Variants in DNAH1 observed in about 807,000 individuals in gnomAD.
The protein encoded by DNAH1 is axonemal beta dynein heavy chain 1.
In DNAH1, 327 loss-of-function variants were observed where a neutral mutation model predicts 484.3. The ratio of observed to expected loss-of-function variants is 0.68; its 90% confidence interval spans 0.62 to 0.74. DNAH1 has a LOEUF of 0.74. Among genes scored for constraint, DNAH1 ranks in the 30% least tolerant of loss-of-function variants. The probability of loss-of-function intolerance (pLI) is 0.00; values close to 1 mark genes in which losing one functional copy is unlikely to be tolerated. For missense variants in DNAH1, 5,052 were observed against 5,546.8 expected (o/e 0.91, Z 2.83); for synonymous variants, 2,192 against 2,191.9 (o/e 1.00, Z 0.00).
At chr3:52,374,550 T>C in intron 44 of DNAH1, 1 of 1,499,796 alleles carries the variant, frequency 6.7e-7, no homozygotes, top group Non-Finnish European at 9.3e-7. Context: ...CTTCCGGCAG[T>C]TGGCCAAATG....
At chr3:52,388,706 C>T (rs1299880293) in intron 58 of DNAH1, 97 bp downstream of exon 58, 5 of 1,605,260 alleles carry the variant, frequency 3.1e-6, no homozygotes, top group South Asian at 1.1e-5. Flanking sequence ...TGGCTGTCCA[C>T]ACCCCCTCCC....
At chr3:52,374,466 A>G in intron 44 of DNAH1, 1 of 1,369,522 alleles carries the variant, frequency 7.3e-7, no homozygotes, top group Admixed American at 1.7e-5. Flanking sequence ...AAAAGAAGTA[A>G]TGTTCTTAAA....
intron 32 of DNAH1, among the ~76,000 whole-genome samples, chr3:52,363,832 C>T (rs1702962778): frequency 6.6e-6 from 1 of 152,168 alleles, no homozygotes; most frequent in Non-Finnish European, 1.5e-5. Context: ...TACCTTTGGC[C>T]AGATGCAGTC....
chr3:52,366,419 C>T, intron 34 of DNAH1, 38 bp from the exon 35 acceptor site: 5 of 1,540,656 alleles, frequency 3.2e-6, no homozygotes, highest in Admixed American at 1.9e-5. Flanking sequence ...GACCCAAGCC[C>T]ATGCTCTGAC....
chr3:52,370,629 C>G lies in DNAH1; in HGVS notation c.6411C>G (p.Asn2137Lys). 1.2e-6 allele frequency: 2 copies of G among 1,610,800 alleles called. No individual in the cohort carries two copies. The highest frequency in any genetic ancestry group is 1.1e-5 in the South Asian group (1 of 90,498). The change falls in exon 40 of 78, where the codon AAC becomes AAG. Residue 2137 changes from asparagine to lysine, a missense_variant. Coordinates refer to ENST00000420323, the MANE Select transcript of DNAH1 (RefSeq NM_015512.5). ...ACTGGCTAAGGCTCAAGATGGAGAA[C>G]GAACAGGTGAGAGCCGGCGGCCCCC... ...FSHWLRLKME[N>K]EQLTLLFPEE...
Position 52,366,780 on chromosome 3 carries a change from A to G in DNAH1, c.5658A>G (p.Pro1886=). 6.2e-7 allele frequency: 1 copy of G among 1,613,734 alleles called. No individual in the cohort carries two copies. The change falls in exon 36 of 78, where the codon CCA becomes CCG. Residue 1886 remains proline (P), a synonymous_variant. Coordinates refer to ENST00000420323, the MANE Select transcript of DNAH1 (RefSeq NM_015512.5). Reference sequence around the variant, plus strand: ...CCATGACGTCACTGAAAGGGCAGCCATCCATCAGTGGTGGCATGTACGAGG... The same window carrying G: ...CCATGACGTCACTGAAAGGGCAGCCGTCCATCAGTGGTGGCATGTACGAGG... ...AAAMTSLKGQ[P]SISGGMYEAV...
chr3:52,315,983 C>T (rs1452102125), upstream of DNAH1, among the ~76,000 whole-genome samples: 2 of 152,174 alleles, frequency 1.3e-5, no homozygotes, highest in Admixed American at 6.5e-5. Context: ...CCCCGACCCC[C>T]ACCCCTCAAG....
intron 8 of DNAH1, among the ~76,000 whole-genome samples, chr3:52,335,806 G>A (rs1321866616): frequency 6.7e-6 from 1 of 149,978 alleles, no homozygotes; most frequent in African/African-American, 2.5e-5. Flanking sequence ...AGATAATTTT[G>A]TATTTTTAGT....
chr3:52,336,564 A>G (rs934137545), intron 8 of DNAH1, among the ~76,000 whole-genome samples: 1 of 152,182 alleles, frequency 6.6e-6, no homozygotes, highest in African/African-American at 2.4e-5. Context: ...AGGAAGAAAA[A>G]AAAGAACAAT....
chr3:52,369,043 T>G, intron 37 of DNAH1, 125 bp downstream of exon 37: 1 of 1,089,844 alleles, frequency 9.2e-7, no homozygotes, highest in Non-Finnish European at 1.3e-6. Flanking sequence ...TCTCAGGCTG[T>G]CACCCTGACT....
At position 52,381,565 on chromosome 3, in the gene DNAH1, G is replaced by A. The variant is rs1703844190; in HGVS notation, c.7609-75G>A. On this transcript the variant is annotated intron_variant, in intron 48 of 77. Transcript: ENST00000420323. The surrounding 1 kb of genome is among the most constrained non-coding windows in gnomAD (Gnocchi z 4.1). ...TCTCAGTCAGGACAGAGAAGAAAGC[G>A]GGTGGGTGGGGGGAATCGGGGAGAC... 2.2e-6 allele frequency: 3 copies of A among 1,392,294 alleles called. No homozygotes were observed. The highest frequency in any genetic ancestry group is 2.9e-6 in the Non-Finnish European group (3 of 1,023,650). The allele number at this position is 1,392,294 out of a possible 1,614,324, so 86.2% of individuals were successfully genotyped here.
chr3:52,344,448 T>A (rs1702064310), intron 8 of DNAH1, 42 bp from the exon 9 acceptor site: 1 of 1,599,310 alleles, frequency 6.3e-7, no homozygotes, highest in Non-Finnish European at 8.5e-7. Context: ...GTTCACAGGG[T>A]GTGGAGCCCC....
In DNAH1 at chr3:52,355,084, T is replaced by A. The variant is rs774739906; in HGVS notation, c.3693+29T>A. 2.7e-5 allele frequency: 43 copies of A among 1,605,684 alleles called. No individual in the cohort carries two copies. The highest frequency in any genetic ancestry group is 3.2e-5 in the Non-Finnish European group (38 of 1,175,720). ...GGCCCTCCCCCCAGTCCTTCCCTCA[T>A]CGCTCCCCCACTTCAGAGAGCCCGA... On this transcript the variant is annotated intron_variant, in intron 21 of 77. Transcript: ENST00000420323. The surrounding 1 kb of genome is among the most constrained non-coding windows in gnomAD (Gnocchi z 4.5).
At chr3:52,394,436 G>A in intron 66 of DNAH1, 29 bp from the exon 67 acceptor site, 1 of 1,611,350 alleles carries the variant, frequency 6.2e-7, no homozygotes, top group Non-Finnish European at 8.5e-7. Context: ...CCAGGGCCTG[G>A]GCATCAGCCT....
chr3:52,374,409 C>T, intron 44 of DNAH1: 1 of 1,312,444 alleles, frequency 7.6e-7, no homozygotes. Flanking sequence ...CCCCACAGAA[C>T]CAGTGGTGAT....
rs368465338 is a variant in DNAH1 at position 52,358,473 on chromosome 3, G to A, written c.4087-85G>A. ...CTTTCTTCTTGAGGTGGAGGGCACC[G>A]GGCAGGCTTAGCGCTGGGGCTGTGG... On this transcript the variant is annotated intron_variant, in intron 24 of 77. Coordinates refer to ENST00000420323, the MANE Select transcript of DNAH1 (RefSeq NM_015512.5). This position sits in a 1 kb window ranked among gnomAD's most constrained non-coding sequence, Gnocchi z 4.2. 9.7e-5 allele frequency: 136 copies of A among 1,396,790 alleles called. 1 individual carries two copies. The East Asian group carries it at 2.1e-3, about 21-fold the overall frequency. 86.5% of individuals were successfully genotyped at this position (1,396,790 alleles called of 1,614,324 possible).
rs1704379000 is a variant in DNAH1 at position 52,391,455 on chromosome 3, C to T, written c.9904C>T (p.Gln3302Ter). 6.2e-7 allele frequency: 1 copy of T among 1,610,926 alleles called. No homozygotes were observed. The highest frequency in any genetic ancestry group is 1.1e-5 in the South Asian group (1 of 90,664). ...PVLLKQTYKQ[Q>*]GNTVLKLGDT... ...CCACCCACCACAGACGTACAAGCAG[C>T]AGGGAAACACGGTGCTGAAGCTGGG... The change falls in exon 63 of 78, where the codon CAG (glutamine) becomes TAG (stop). Residue 3302 changes from glutamine to a stop codon, truncating the protein, a stop_gained. Coordinates refer to ENST00000420323, the MANE Select transcript of DNAH1 (RefSeq NM_015512.5). LOFTEE classifies it high-confidence loss of function.
At chr3:52,311,342 A>T (rs533490541), upstream of DNAH1, among the ~76,000 whole-genome samples, 5 of 152,262 alleles carry the variant, frequency 3.3e-5, no homozygotes, top group South Asian at 1.0e-3. Flanking sequence ...CCTCAGTTGC[A>T]CAAAGGAGTT....
chr3:52,397,240 C>G (rs1704678203), intron 73 of DNAH1, among the ~76,000 whole-genome samples, 196 bp downstream of exon 73: 1 of 152,016 alleles, frequency 6.6e-6, no homozygotes, highest in Admixed American at 6.5e-5. Flanking sequence ...GGGCTTGCCT[C>G]TGTGAGTGAA....
Sources: allele counts gnomAD v4.1 joint callset (sites outside exome capture counted in the v4.1 genomes callset), GRCh38; gene constraint gnomAD v4.1.1; non-coding constraint Gnocchi (gnomAD v3.1); transcripts MANE v1.5; gene names NCBI Gene and HGNC (gene_info 2026-07-23, HGNC 2026-07-21).